The following TAF3 variants were observed in gnomAD, a reference collection of about 807,000 sequenced individuals.
TAF3 encodes the protein transcription initiation factor TFIID subunit 3.
In TAF3, 7 loss-of-function variants were observed where a neutral mutation model predicts 80.6. The ratio of observed to expected loss-of-function variants is 0.09; its 90% CI spans 0.05 to 0.16. The LOEUF (loss-of-function observed/expected upper bound fraction) is 0.16. Among genes scored for constraint, TAF3 ranks in the 10% least tolerant of loss-of-function variants. The probability of loss-of-function intolerance (pLI) is 1.00; values close to 1 mark genes in which losing one functional copy is unlikely to be tolerated. For synonymous variants in TAF3, 444 were observed against 446.1 expected (o/e 1.00, Z 0.06); for missense variants, 921 against 1,140.2 (o/e 0.81, Z 2.77).
intron 2 of TAF3, among the ~76,000 whole-genome samples, chr10:7,962,596 C>T (rs915809313): frequency 6.6e-6 from 1 of 152,226 alleles, no homozygotes; most frequent in African/African-American, 2.4e-5. Flanking sequence ...TTCTCTTACA[C>T]TCCCCGTGTT....
chr10:7,848,951 T>A (rs1268161609), intron 2 of TAF3, among the ~76,000 whole-genome samples: 1 of 152,176 alleles, frequency 6.6e-6, no homozygotes, highest in African/African-American at 2.4e-5. Flanking sequence ...CCCAGTAGGG[T>A]GTTTTTGAGA....
chr10:7,994,978 A>G (rs1373837041), intron 4 of TAF3, among the ~76,000 whole-genome samples: 1 of 99,600 alleles, frequency 1.0e-5, no homozygotes, highest in African/African-American at 3.5e-5. Flanking sequence ...TCAAAAAAAG[A>G]AAAAAAAAAA....
intron 2 of TAF3, among the ~76,000 whole-genome samples, chr10:7,903,847 T>G (rs1016433829): frequency 1.3e-5 from 2 of 152,010 alleles, no homozygotes; most frequent in Non-Finnish European, 2.9e-5. Flanking sequence ...GATCCTCCCC[T>G]TCAGGGGCTT....
intron 2 of TAF3, among the ~76,000 whole-genome samples, chr10:7,926,790 T>G (rs187917859): frequency 1.3e-5 from 2 of 152,340 alleles, no homozygotes; most frequent in African/African-American, 2.4e-5. Flanking sequence ...TCTTTCAAGT[T>G]TAAGATTAGT....
intron 2 of TAF3, among the ~76,000 whole-genome samples, chr10:7,889,071 T>A (rs1442047764): frequency 2.0e-5 from 3 of 152,198 alleles, no homozygotes; most frequent in African/African-American, 7.2e-5. Context: ...CCAGTTCGAA[T>A]CCACACTTTC....
At chr10:7,831,079 T>C (rs2131104527) in intron 2 of TAF3, among the ~76,000 whole-genome samples, 1 of 152,334 alleles carries the variant, frequency 6.6e-6, no homozygotes, top group Middle Eastern at 3.4e-3. Flanking sequence ...GGTTACAAAG[T>C]AATGATAATA....
intron 4 of TAF3, among the ~76,000 whole-genome samples, chr10:7,988,357 A>C (rs1418366932): frequency 2.0e-5 from 3 of 151,958 alleles, no homozygotes. Context: ...TGGGAGGCCA[A>C]GGCAAACAGA....
chr10:7,829,263 TA>T (rs1344779601), intron 2 of TAF3, among the ~76,000 whole-genome samples: 17 of 152,168 alleles, frequency 1.1e-4, no homozygotes, highest in African/African-American at 4.1e-4. Flanking sequence ...TTTCTTCTGT[TA>T]TTAACCTTTT....
intron 2 of TAF3, among the ~76,000 whole-genome samples, chr10:7,958,246 A>G (rs981042092): frequency 2.0e-5 from 3 of 152,236 alleles, no homozygotes; most frequent in African/African-American, 7.2e-5. Context: ...CCAGATACTC[A>G]TTATGTGTAA....
At chr10:7,842,924 A>T (rs1455285759) in intron 2 of TAF3, among the ~76,000 whole-genome samples, 1 of 152,234 alleles carries the variant, frequency 6.6e-6, no homozygotes, top group African/African-American at 2.4e-5. Flanking sequence ...TTTTCTGAAG[A>T]AACGCTTACA....
rs138209751 is a variant in TAF3, at chr10:7,867,217, T to C, written c.409+42657T>C. On this transcript the variant is annotated intron_variant, in intron 2 of 6. Coordinates refer to ENST00000344293, the MANE Select transcript of TAF3 (RefSeq NM_031923.4). ...GAAGTTGCAGTGAGCCGAGATCATG[T>C]CACTGCACTCCAGCCTGGGCAACAG... is the stretch of plus-strand genomic sequence containing the variant. 3.7e-3 allele frequency among the ~76,000 whole-genome samples: 563 copies of C among 152,072 alleles called. 4 individuals carry two copies. Among genetic ancestry groups the C allele is most frequent in the South Asian group, 0.02 (95 of 4,822 alleles).
chr10:7,839,440 A>G (rs1196911470), intron 2 of TAF3, among the ~76,000 whole-genome samples: 1 of 152,012 alleles, frequency 6.6e-6, no homozygotes, highest in Non-Finnish European at 1.5e-5. Flanking sequence ...AAACTTACTG[A>G]CTCCTGTTCT....
chr10:7,937,723 A>G (rs1462011809), intron 2 of TAF3, among the ~76,000 whole-genome samples: 1 of 152,250 alleles, frequency 6.6e-6, no homozygotes, highest in East Asian at 1.9e-4. Context: ...AGGGAATAGT[A>G]ATAGTCACAG....
At chr10:7,995,265 A>G (rs771583788) in intron 4 of TAF3, among the ~76,000 whole-genome samples, 23 of 152,196 alleles carry the variant, frequency 1.5e-4, no homozygotes, top group Non-Finnish European at 3.1e-4. Context: ...ATTGAGGTTC[A>G]TTCATTTCAT....
At chr10:7,818,933 G>T (rs901398650) in intron 1 of TAF3, 58 bp downstream of exon 1, 15 of 1,343,122 alleles carry the variant, frequency 1.1e-5, no homozygotes, top group South Asian at 3.5e-5. Flanking sequence ...TGACACCTTC[G>T]CTCTCCCTGT....
At chr10:7,914,438 T>G (rs1468182764) in intron 2 of TAF3, among the ~76,000 whole-genome samples, 1 of 152,240 alleles carries the variant, frequency 6.6e-6, no homozygotes, top group African/African-American at 2.4e-5. Flanking sequence ...GTAAGAGTAT[T>G]TTGTTTATTT....
At chr10:7,902,515 G>A (rs554343334) in intron 2 of TAF3, among the ~76,000 whole-genome samples, 11 of 152,164 alleles carry the variant, frequency 7.2e-5, no homozygotes, top group Non-Finnish European at 1.0e-4. Context: ...TTCTCATGAC[G>A]AAACTCAGGG....
Position 7,861,817 on chromosome 10 carries a change from T to G in TAF3, c.409+37257T>G, listed in dbSNP as rs1474390531. On this transcript the variant is annotated intron_variant, in intron 2 of 6. Coordinates refer to ENST00000344293, the MANE Select transcript of TAF3 (RefSeq NM_031923.4). ...TTTTTTCTCAATGCTTGGGAGTTACTGAACTTCTTTAATGTGTATTTATGT... is the reference window on the plus strand; with the variant it reads ...TTTTTTCTCAATGCTTGGGAGTTACGGAACTTCTTTAATGTGTATTTATGT... Among the ~76,000 whole-genome samples the G allele has an allele frequency of 1.3e-5, 2 of 152,168 alleles. 1 individual carries two copies. The highest frequency in any genetic ancestry group is 4.8e-5 in the African/African-American group (2 of 41,456).
chr10:7,913,061 C>T (rs1199690382), intron 2 of TAF3, among the ~76,000 whole-genome samples: 7 of 152,262 alleles, frequency 4.6e-5, no homozygotes, highest in East Asian at 1.9e-4. Context: ...GGGCGCCTCA[C>T]GCAAGGGTCT....
Sources: allele counts gnomAD v4.1 joint callset (sites outside exome capture counted in the v4.1 genomes callset), GRCh38; gene constraint gnomAD v4.1.1; transcripts MANE v1.5; gene names NCBI Gene and HGNC (gene_info 2026-07-23, HGNC 2026-07-21).